ROBO1: variants seen among roughly 807,000 people sequenced by gnomAD.
ROBO1 encodes the protein roundabout guidance receptor 1, also known as roundabout homolog 1.
In ROBO1, 149 loss-of-function variants were observed where a neutral mutation model predicts 195.9. That is an observed-to-expected ratio of 0.76 (90% CI 0.67 to 0.87). The LOEUF (loss-of-function observed/expected upper bound fraction) is 0.87, where lower values mean the gene tolerates loss of function less well. Among genes scored for constraint, ROBO1 ranks in the 40% least tolerant of loss-of-function variants. The probability of loss-of-function intolerance (pLI) is 0.00; values close to 1 mark genes in which losing one functional copy is unlikely to be tolerated. For synonymous variants in ROBO1, 816 were observed against 733.2 expected (o/e 1.11, Z -1.82); for missense variants, 1,933 against 2,068.3 (o/e 0.93, Z 1.27).
chr3:78,989,620 A>T (rs534784313), intron 3 of ROBO1, among the ~76,000 whole-genome samples: 4 of 152,344 alleles, frequency 2.6e-5, no homozygotes, highest in African/African-American at 9.6e-5. Flanking sequence ...TCTGAAAAAA[A>T]TAATAATAAA....
At chr3:78,789,782 T>C (rs1026146286) in intron 4 of ROBO1, among the ~76,000 whole-genome samples, 10 of 152,184 alleles carry the variant, frequency 6.6e-5, no homozygotes, top group Non-Finnish European at 1.3e-4. Flanking sequence ...CATTAATCTA[T>C]ACTTTTGAGA....
At chr3:78,709,806 A>G (rs2081637960) in intron 8 of ROBO1, among the ~76,000 whole-genome samples, 1 of 152,200 alleles carries the variant, frequency 6.6e-6, no homozygotes, top group South Asian at 2.1e-4. Flanking sequence ...GGCACTGAGA[A>G]TCTAAAAAAT....
chr3:78,750,890 G>T (rs1234719542), intron 4 of ROBO1, among the ~76,000 whole-genome samples: 5 of 152,090 alleles, frequency 3.3e-5, no homozygotes, highest in African/African-American at 7.2e-5. Flanking sequence ...TTATGAGAAG[G>T]GGACCAGAAG....
chr3:78,711,348 C>CTCCTTTCTTTTCTTTCTTTCTTTCTTCCT lies in ROBO1; in HGVS notation c.1045+3048_1045+3049insAGGAAGAAAGAAAGAAAGAAAAGAAAGGA, dbSNP rs1575992298. 2.9e-4 allele frequency among the ~76,000 whole-genome samples: 16 copies of CTCCTTTCTTTTCTTTCTTTCTTTCTTCCT among 54,674 alleles called. 2 individuals carry two copies. The highest frequency in any genetic ancestry group is 1.3e-3 in the African/African-American group (14 of 10,906). 35.9% of individuals were successfully genotyped at this position (54,674 alleles called of 152,430 possible). A position where few individuals can be genotyped will look rare whatever the true frequency, so the allele number is the denominator to read the frequency against. ...CTCTCCTTCCTTCCTTCCTTCCTTC[C>CTCCTTTCTTTTCTTTCTTTCTTTCTTCCT]TCCTTCCTTCCTTCCTTCCTTCCTT... On this transcript the variant is annotated intron_variant, in intron 8 of 30. Coordinates refer to ENST00000464233, the MANE Select transcript of ROBO1 (RefSeq NM_002941.4).
chr3:79,255,599 A>C (rs1156630570), intron 2 of ROBO1, among the ~76,000 whole-genome samples: 1 of 152,184 alleles, frequency 6.6e-6, no homozygotes, highest in Non-Finnish European at 1.5e-5. Flanking sequence ...TTTAATCATT[A>C]GTGTCACTGT....
intron 3 of ROBO1, among the ~76,000 whole-genome samples, chr3:78,966,632 C>T (rs565904459): frequency 1.3e-5 from 2 of 152,290 alleles, no homozygotes; most frequent in South Asian, 4.1e-4. Context: ...ATTTGTACTG[C>T]TTAACTATTG....
chr3:78,849,815 A>C (rs2033923885), intron 4 of ROBO1, among the ~76,000 whole-genome samples: 1 of 112,380 alleles, frequency 8.9e-6, no homozygotes, highest in African/African-American at 3.3e-5. Context: ...GTTTACAGTC[A>C]GTCTCTCTCT....
At position 78,631,269 on chromosome 3, in the gene ROBO1, T is replaced by G; in HGVS notation, c.3518A>C (p.Lys1173Thr). The G allele has an allele frequency of 6.2e-7, 1 of 1,613,490 alleles. No homozygotes were observed. Among genetic ancestry groups the G allele is most frequent in the Non-Finnish European group, 8.5e-7 (1 of 1,179,666 alleles). Residue 1173 changes from lysine (K) to threonine (T), a missense_variant, in exon 25 of 31, where the codon AAG becomes ACG. By Grantham distance (78) the Lys-to-Thr change is moderately conservative. Around this residue, in one of 3 missense-constraint regions of ROBO1, gnomAD observed 1,737 missense variants for 1,882.5 expected, o/e 0.92. Transcript: ENST00000464233. ...GTTCATGCCACCCTGTTTTGGTACC[T>G]TGGGTGTTCTTGCCCCTTTCTTGTG... is the stretch of plus-strand genomic sequence containing the variant. ...QGHKKGARTP[K>T]VPKQGGMNWA...
intron 2 of ROBO1, among the ~76,000 whole-genome samples, chr3:79,165,912 C>T (rs995667781): frequency 2.6e-5 from 4 of 152,172 alleles, no homozygotes; most frequent in Non-Finnish European, 4.4e-5. Context: ...GGGCCTGATT[C>T]AATCAGTTGA....
intron 3 of ROBO1, among the ~76,000 whole-genome samples, chr3:79,078,054 T>C (rs2079204135): frequency 6.6e-6 from 1 of 151,842 alleles, no homozygotes; most frequent in South Asian, 2.1e-4. Flanking sequence ...GAAGACTACT[T>C]ATCTTTGTGA....
At chr3:78,925,932 G>A (rs1358468466) in intron 4 of ROBO1, among the ~76,000 whole-genome samples, 4 of 151,586 alleles carry the variant, frequency 2.6e-5, no homozygotes, top group South Asian at 2.1e-4. Flanking sequence ...GTACAATGGC[G>A]CCATCTCAGC....
At chr3:78,882,180 C>T (rs2036221776) in intron 4 of ROBO1, among the ~76,000 whole-genome samples, 2 of 151,912 alleles carry the variant, frequency 1.3e-5, no homozygotes, top group African/African-American at 4.8e-5. Flanking sequence ...AGATACAGGG[C>T]TACATTTGGA....
intron 2 of ROBO1, among the ~76,000 whole-genome samples, chr3:79,381,655 T>C (rs1035007001): frequency 6.6e-6 from 1 of 152,020 alleles, no homozygotes. Context: ...GTAATGGAAC[T>C]GCATTTAGAT....
chr3:79,021,984 A>T (rs1183363144), intron 3 of ROBO1, among the ~76,000 whole-genome samples: 7 of 151,966 alleles, frequency 4.6e-5, no homozygotes, highest in Admixed American at 4.6e-4. Context: ...TTCCGAGGAC[A>T]GTCAGCAGTA....
At chr3:79,067,163 T>G (rs1439406237) in intron 3 of ROBO1, among the ~76,000 whole-genome samples, 1 of 151,990 alleles carries the variant, frequency 6.6e-6, no homozygotes, top group Admixed American at 6.6e-5. Context: ...GTTTTTCCAA[T>G]TACAAAGATA....
At chr3:79,351,733 A>C (rs938805092) in intron 2 of ROBO1, among the ~76,000 whole-genome samples, 5 of 152,184 alleles carry the variant, frequency 3.3e-5, no homozygotes, top group Non-Finnish European at 7.3e-5. Flanking sequence ...AAAGCAAAAT[A>C]GAAGCTGACT....
intron 2 of ROBO1, among the ~76,000 whole-genome samples, chr3:79,327,023 G>A (rs2034241208): frequency 6.6e-6 from 1 of 152,058 alleles, no homozygotes; most frequent in Non-Finnish European, 1.5e-5. Flanking sequence ...GGTACGTTAT[G>A]ATGCTCAATT....
At chr3:79,125,631 C>T in intron 2 of ROBO1, 92 bp from the exon 3 acceptor site, 1 of 913,950 alleles carries the variant, frequency 1.1e-6, no homozygotes, top group Non-Finnish European at 1.8e-6. Context: ...CAAGTAAATC[C>T]ACATGTGACA....
chr3:79,015,414 C>T lies in ROBO1; in HGVS notation c.173-76487G>A, dbSNP rs2077904518. Among the ~76,000 whole-genome samples the T allele has an allele frequency of 2.1e-5, 3 of 144,020 alleles. No homozygotes were observed. The South Asian group carries it at 6.8e-4, about 32-fold the overall frequency. The allele number at this position is 144,020 out of a possible 152,430, so 94.5% of individuals were successfully genotyped here. ...CAAAAAAACAAGAAAAAGAAAGTACCAGTAAACTATCATTTATTTGAAATT... is the reference window on the plus strand; with the variant it reads ...CAAAAAAACAAGAAAAAGAAAGTACTAGTAAACTATCATTTATTTGAAATT... On this transcript the variant is annotated intron_variant, in intron 3 of 30. Coordinates refer to ENST00000464233, the MANE Select transcript of ROBO1 (RefSeq NM_002941.4).
Sources: allele counts gnomAD v4.1 joint callset (sites outside exome capture counted in the v4.1 genomes callset), GRCh38; gene constraint gnomAD v4.1.1; regional missense constraint gnomAD v4.1.1; transcripts MANE v1.5; gene names NCBI Gene and HGNC (gene_info 2026-07-23, HGNC 2026-07-21).